The following PLD1 variants were observed in gnomAD, a reference collection of about 807,000 sequenced individuals.
PLD1 encodes choline phosphatase 1.
A neutral mutation model predicts 137.1 loss-of-function variants in PLD1; 112 were observed. That is an observed-to-expected ratio of 0.82 (90% CI 0.70 to 0.96). The LOEUF is 0.96. Among genes scored for constraint, PLD1 ranks in the 40% least tolerant of loss-of-function variants. PLD1 has a pLI of 0.00. For synonymous variants in PLD1, 431 were observed against 454.7 expected, an observed-to-expected ratio of 0.95 and a Z score of 0.66; for missense variants, 1,321 against 1,342.0, an observed-to-expected ratio of 0.98 and a Z score of 0.24.
At chr3:171,638,229 T>C (rs528897249) in intron 23 of PLD1, among the ~76,000 whole-genome samples, 1 of 151,354 alleles carries the variant, frequency 6.6e-6, no homozygotes, top group East Asian at 1.9e-4. Context: ...ATAGAGCACT[T>C]ACCATGAATG....
At position 171,709,687 on chromosome 3, in the gene PLD1, T is replaced by C; in HGVS notation, c.934A>G (p.Ser312Gly). 3 of 1,612,118 alleles carry C rather than the reference T, an allele frequency of 1.9e-6. No individual in the cohort carries two copies. Among genetic ancestry groups the C allele is most frequent in the African/African-American group, 1.3e-5 (1 of 74,942 alleles). ...CCCCACCACCGAGCATGTCTATAGC[T>C]GTTGCATTTTAAAATAAGTGTCCTT... is the stretch of plus-strand genomic sequence containing the variant. The part of the protein sequence containing the change: ...LSRTLILKCN[S>G]YRHARWWGGA... The change falls in exon 10 of 27, where the codon AGC becomes GGC. Residue 312 changes from serine to glycine, a missense_variant. Physicochemically the swap from Ser to Gly is moderately conservative, Grantham distance 56. Coordinates refer to ENST00000351298, the MANE Select transcript of PLD1 (RefSeq NM_002662.5).
rs570214411 is a variant in PLD1, at chr3:171,637,469, G to A, written c.2593+5371C>T. Among the ~76,000 whole-genome samples, 10 of 152,166 alleles carry A rather than the reference G, an allele frequency of 6.6e-5. No homozygotes were observed. In the East Asian group the frequency reaches 1.2e-3, roughly 18 times the overall value. ...AGGATGGTCTCGATCTCTTGACCTCGTGATCCACCTGCCTCAGCCTCCCAA... is the reference window on the plus strand; with the variant it reads ...AGGATGGTCTCGATCTCTTGACCTCATGATCCACCTGCCTCAGCCTCCCAA... On this transcript the variant is annotated intron_variant, in intron 23 of 26. Coordinates refer to ENST00000351298, the MANE Select transcript of PLD1 (RefSeq NM_002662.5).
intron 25 of PLD1, among the ~76,000 whole-genome samples, chr3:171,608,817 T>C (rs1732417027): frequency 6.6e-6 from 1 of 151,862 alleles, no homozygotes; most frequent in African/African-American, 2.4e-5. Context: ...AAGACACAAG[T>C]AAATGTTTAA....
At chr3:171,628,530 A>T (rs1404694265) in intron 23 of PLD1, among the ~76,000 whole-genome samples, 5 of 150,616 alleles carry the variant, frequency 3.3e-5, no homozygotes, top group African/African-American at 7.3e-5. Flanking sequence ...CATCATCCTG[A>T]TACCAAAGCC....
At chr3:171,622,727 G>T (rs931602666) in intron 23 of PLD1, among the ~76,000 whole-genome samples, 6 of 150,914 alleles carry the variant, frequency 4.0e-5, no homozygotes, top group Admixed American at 6.6e-5. Flanking sequence ...AGCCAATATA[G>T]TTGTATAAGA....
At chr3:171,672,176 C>T (rs1712836950) in intron 19 of PLD1, among the ~76,000 whole-genome samples, 1 of 152,196 alleles carries the variant, frequency 6.6e-6, no homozygotes, top group Non-Finnish European at 1.5e-5. Flanking sequence ...CCAGCATTTA[C>T]TCAGAGACCA....
chr3:171,696,155 C>CT (rs1315862718), intron 12 of PLD1, among the ~76,000 whole-genome samples: 1 of 152,140 alleles, frequency 6.6e-6, no homozygotes, highest in East Asian at 1.9e-4. Flanking sequence ...TCCCATTAGT[C>CT]TAAGTTTCAT....
At chr3:171,737,303 GA>G (rs1352897050) in intron 3 of PLD1, among the ~76,000 whole-genome samples, 1 of 152,166 alleles carries the variant, frequency 6.6e-6, no homozygotes, top group Non-Finnish European at 1.5e-5. Context: ...CTTTTTAAAA[GA>G]AAGAGCTTTG....
chr3:171,689,778 ATG>A (rs1714964246), intron 13 of PLD1, among the ~76,000 whole-genome samples: 4 of 152,316 alleles, frequency 2.6e-5, no homozygotes, highest in Non-Finnish European at 4.4e-5. Flanking sequence ...CTGGGACTAC[ATG>A]CATGAGCCAC....
chr3:171,719,430 T>C (rs902761758), intron 8 of PLD1, among the ~76,000 whole-genome samples: 1 of 152,242 alleles, frequency 6.6e-6, no homozygotes. Context: ...AACTATCTTC[T>C]AGCAGCCCAG....
chr3:171,710,380 G>C (rs1026833859), intron 9 of PLD1, among the ~76,000 whole-genome samples: 2 of 152,182 alleles, frequency 1.3e-5, no homozygotes, highest in African/African-American at 4.8e-5. Flanking sequence ...CAGGCTTGTG[G>C]AAGGCAATTT....
At chr3:171,792,483 C>A in intron 1 of PLD1, 1 of 428,550 alleles carries the variant, frequency 2.3e-6, no homozygotes, top group South Asian at 1.7e-5. Flanking sequence ...ACCACACCAG[C>A]TGATCTGCAA....
intron 23 of PLD1, among the ~76,000 whole-genome samples, chr3:171,627,687 G>C (rs1734249329): frequency 6.6e-6 from 1 of 152,170 alleles, no homozygotes; most frequent in African/African-American, 2.4e-5. Context: ...AATCAAAGTA[G>C]AACTCAGGAT....
rs1719236317 is a variant in PLD1, at chr3:171,734,913, G to T, written c.492C>A (p.Pro164=). The part of the protein sequence containing the change: ...REEPREMPSL[P]RSSENMIREE... ...CTCTTATCATGTTTTCAGATGAACG[G>T]GGCAAACTGGGCATCTCTCGAGGCT... Residue 164 remains proline, a synonymous_variant, in exon 5 of 27, where the codon CCC becomes CCA. Transcript: ENST00000351298. 6.2e-7 allele frequency: 1 copy of T among 1,613,284 alleles called. No individual in the cohort carries two copies. Among genetic ancestry groups the T allele is most frequent in the East Asian group, 2.2e-5 (1 of 44,876 alleles).
intron 1 of PLD1, among the ~76,000 whole-genome samples, chr3:171,791,290 T>C (rs978942183): frequency 6.6e-6 from 1 of 152,220 alleles, no homozygotes; most frequent in Non-Finnish European, 1.5e-5. Flanking sequence ...GTTGGAGTCA[T>C]CTAATTTTCC....
chr3:171,671,056 T>C (rs1286517414), intron 19 of PLD1, among the ~76,000 whole-genome samples: 1 of 152,196 alleles, frequency 6.6e-6, no homozygotes, highest in African/African-American at 2.4e-5. Flanking sequence ...GTCTTTCAGA[T>C]GACAAAACTG....
At chr3:171,767,878 G>A (rs375755408) in intron 1 of PLD1, among the ~76,000 whole-genome samples, 11 of 152,172 alleles carry the variant, frequency 7.2e-5, no homozygotes, top group Admixed American at 4.6e-4. Context: ...AAGAGTTTGA[G>A]GTTGCAGTGA....
chr3:171,799,007 G>C, intron 1 of PLD1, among the ~76,000 whole-genome samples: 1 of 152,238 alleles, frequency 6.6e-6, no homozygotes. Flanking sequence ...AGATTATCTG[G>C]TCTCTGAGCA....
At chr3:171,640,992 CA>C (rs1251584221) in intron 23 of PLD1, among the ~76,000 whole-genome samples, 1 of 152,150 alleles carries the variant, frequency 6.6e-6, no homozygotes, top group African/African-American at 2.4e-5. Context: ...AGGTCTGAGT[CA>C]GGTGAAATAA....
Sources: gnomAD v4.1 joint callset for allele counts (sites outside exome capture counted in the v4.1 genomes callset) on GRCh38, gnomAD v4.1.1 for gene constraint, MANE v1.5 for transcripts, NCBI Gene and HGNC (gene_info 2026-07-23, HGNC 2026-07-21) for gene names.